The following PTP4A1 variants were observed in gnomAD, a reference collection of about 807,000 sequenced individuals.
PTP4A1 encodes protein tyrosine phosphatase type IVA 1.
PTP4A1 carries 9 observed loss-of-function variants against 20.5 expected under a neutral mutation model. That is an observed-to-expected ratio of 0.44 (90% CI 0.26 to 0.77). The LOEUF is 0.77. Ranked by LOEUF, PTP4A1 falls within the 30% of genes least tolerant of loss-of-function variation. PTP4A1 has a pLI of 0.19. For synonymous variants in PTP4A1, 78 were observed against 67.4 expected (o/e 1.16, Z -0.77); for missense variants, 137 against 218.8 (o/e 0.63, Z 2.36).
At position 63,572,599 on chromosome 6, in the gene PTP4A1, GCCGCTCCGCCACGACCACCGCCGCCT is replaced by G. The variant is rs1010933126; in HGVS notation, c.-563_-538del. The G allele has an allele frequency of 2.4e-6, 1 of 418,054 alleles. No homozygotes were observed. Among genetic ancestry groups the G allele is most frequent in the Non-Finnish European group, 4.1e-6 (1 of 242,306 alleles). The allele number at this position is 418,054 out of a possible 1,614,324, so 25.9% of individuals were successfully genotyped here. ...CGCCGCCGCCTGCATCGCCGCCACC[GCCGCTCCGCCACGACCACCGCCGCCT>G]CCTGCCCTGCAGCCACCGCCACCGC... On this transcript the variant is annotated 5_prime_UTR_variant, in exon 1 of 6. It introduces an in-frame stop codon into an upstream open reading frame of the 5' UTR. Coordinates refer to ENST00000626021, the MANE Select transcript of PTP4A1 (RefSeq NM_003463.5).
chr6:63,569,171 TTC>T (rs1343455707), upstream of PTP4A1, among the ~76,000 whole-genome samples: 1 of 152,202 alleles, frequency 6.6e-6, no homozygotes, highest in Non-Finnish European at 1.5e-5. Context: ...TTGTGAAGAT[TTC>T]TCTGTTCTTC....
At chr6:63,527,646 A>G (rs796681660) in intron 1 of PTP4A1, among the ~76,000 whole-genome samples, 40 of 152,236 alleles carry the variant, frequency 2.6e-4, no homozygotes, top group African/African-American at 9.6e-4. Context: ...GAAAACTGAG[A>G]CTCTGAGAAC....
intron 3 of PTP4A1, among the ~76,000 whole-genome samples, chr6:63,561,937 G>A (rs1776973521): frequency 6.6e-6 from 1 of 151,954 alleles, no homozygotes; most frequent in South Asian, 2.1e-4. Context: ...CAGACCTATC[G>A]GTGCAACCTC....
chr6:63,571,460 T>C (rs1777421960), upstream of PTP4A1: 1 of 152,232 alleles, frequency 6.6e-6, no homozygotes, highest in Admixed American at 6.5e-5. Flanking sequence ...GGTGCCCTTG[T>C]ATGGCACAGA....
upstream of PTP4A1, among the ~76,000 whole-genome samples, chr6:63,568,705 C>T (rs1777290768): frequency 6.6e-6 from 1 of 151,574 alleles, no homozygotes; most frequent in African/African-American, 2.4e-5. Flanking sequence ...GAAGGTATGC[C>T]TGTATACTAC....
At chr6:63,543,060 A>G (rs1025462003) in intron 2 of PTP4A1, among the ~76,000 whole-genome samples, 2 of 152,148 alleles carry the variant, frequency 1.3e-5, no homozygotes, top group African/African-American at 4.8e-5. Context: ...TCTTTTTTCA[A>G]CTATATCCCC....
rs551647998 is a variant in PTP4A1 at position 63,583,200 on chromosome 6, T to C, written c.*3026T>C. 4 of 152,326 alleles carry C rather than the reference T, an allele frequency of 2.6e-5. No individual in the cohort carries two copies. Among genetic ancestry groups the C allele is most frequent in the African/African-American group, 9.6e-5 (4 of 41,570 alleles). The allele number at this position is 152,326 out of a possible 1,614,324, so 9.4% of individuals were successfully genotyped here. On this transcript the variant is annotated 3_prime_UTR_variant, in exon 6 of 6. Transcript: ENST00000626021. Reference sequence around the variant, plus strand: ...GAAGTGGAAGTATAAGTGAATGATATTTTTCTTTTACATGTAAACAATGAA... The same window carrying C: ...GAAGTGGAAGTATAAGTGAATGATACTTTTCTTTTACATGTAAACAATGAA...
At chr6:63,564,744 C>T (rs2149498516) in intron 3 of PTP4A1, among the ~76,000 whole-genome samples, 1 of 152,286 alleles carries the variant, frequency 6.6e-6, no homozygotes, top group South Asian at 2.1e-4. Flanking sequence ...ATGTTCTAAA[C>T]AATCACATGG....
At chr6:63,568,535 A>C (rs1581942660), upstream of PTP4A1, among the ~76,000 whole-genome samples, 3 of 152,232 alleles carry the variant, frequency 2.0e-5, no homozygotes, top group Non-Finnish European at 4.4e-5. Context: ...AATAATTTAA[A>C]AGTTTGAAAT....
At chr6:63,543,119 C>A (rs1776049595) in intron 2 of PTP4A1, among the ~76,000 whole-genome samples, 1 of 152,172 alleles carries the variant, frequency 6.6e-6, no homozygotes, top group Non-Finnish European at 1.5e-5. Context: ...GCTGTGACAT[C>A]ATTTCATTCA....
intron 2 of PTP4A1, 58 bp downstream of exon 2, chr6:63,577,043 T>C (rs1248259303): frequency 1.1e-5 from 15 of 1,355,582 alleles, no homozygotes; most frequent in Middle Eastern, 1.8e-4. Flanking sequence ...GTGGGACTTA[T>C]AGCTAACAAA....
intron 2 of PTP4A1, among the ~76,000 whole-genome samples, chr6:63,546,048 G>A (rs901743183): frequency 4.0e-5 from 6 of 150,350 alleles, no homozygotes; most frequent in African/African-American, 1.5e-4. Context: ...TATGAAATCA[G>A]TATGTTGAAG....
At chr6:63,538,177 G>T (rs188722707) in intron 2 of PTP4A1, among the ~76,000 whole-genome samples, 3 of 152,244 alleles carry the variant, frequency 2.0e-5, no homozygotes, top group African/African-American at 7.2e-5. Context: ...TATGAGCCTT[G>T]GTGTTTACCA....
intron 3 of PTP4A1, among the ~76,000 whole-genome samples, chr6:63,565,588 G>T (rs1175019295): frequency 1.3e-5 from 2 of 152,102 alleles, no homozygotes; most frequent in African/African-American, 4.8e-5. Context: ...TACATCTGTA[G>T]TACCCTCCTA....
In PTP4A1 at chr6:63,539,767, C is replaced by CAAA. The variant is rs34729616; in HGVS notation, c.-639-10522_-639-10520dup. Among the ~76,000 whole-genome samples the CAAA allele has an allele frequency of 5.7e-4, 74 of 129,196 alleles. 1 individual carries two copies. Among genetic ancestry groups the CAAA allele is most frequent in the African/African-American group, 1.5e-3 (52 of 35,094 alleles). The allele number at this position is 129,196 out of a possible 152,430, so 84.8% of individuals were successfully genotyped here. ...CTGGCAACAGAGTGAGACTCTGTCTCAAAAAAAAAAAAATTGGCAAAGGAT... is the reference window on the plus strand; with the variant it reads ...CTGGCAACAGAGTGAGACTCTGTCTCAAAAAAAAAAAAAAAATTGGCAAAGGAT... On this transcript the variant is annotated intron_variant, in intron 2 of 3. Transcript: ENST00000639568.
At chr6:63,574,132 A>C (rs1168776881) in intron 1 of PTP4A1, among the ~76,000 whole-genome samples, 3 of 152,170 alleles carry the variant, frequency 2.0e-5, no homozygotes, top group Non-Finnish European at 4.4e-5. Context: ...AAAACTAGAA[A>C]ACTAAATCAT....
chr6:63,547,263 C>T (rs1776232682), intron 2 of PTP4A1, among the ~76,000 whole-genome samples: 1 of 148,684 alleles, frequency 6.7e-6, no homozygotes, highest in African/African-American at 2.5e-5. Flanking sequence ...GATCTCAGCA[C>T]ACTGCAACCT....
intron 2 of PTP4A1, chr6:63,549,456 G>C (rs1334770672): frequency 6.3e-6 from 5 of 794,168 alleles, no homozygotes; most frequent in African/African-American, 3.4e-5. Flanking sequence ...GCTTCTTCAC[G>C]ACAGCAGGGC....
chr6:63,568,698 G>T (rs190723903), upstream of PTP4A1, among the ~76,000 whole-genome samples: 1 of 151,276 alleles, frequency 6.6e-6, no homozygotes, highest in Non-Finnish European at 1.5e-5. Context: ...AATAAATGAA[G>T]GTATGCCTGT....
Sources: gnomAD v4.1 joint callset for allele counts (sites outside exome capture counted in the v4.1 genomes callset) on GRCh38, gnomAD v4.1.1 for gene constraint, MANE v1.5 for transcripts, NCBI Gene and HGNC (gene_info 2026-07-23, HGNC 2026-07-21) for gene names.